Variants in PRKG1 observed in about 807,000 individuals in gnomAD.
PRKG1 encodes cGMP-dependent protein kinase 1.
PRKG1 carries 35 observed loss-of-function variants against 88.1 expected under a neutral mutation model. That is an observed-to-expected ratio of 0.40 (90% CI 0.30 to 0.53). The LOEUF (loss-of-function observed/expected upper bound fraction) is 0.53, where lower values mean the gene tolerates loss of function less well. Ranked by LOEUF, PRKG1 falls within the 20% of genes least tolerant of loss-of-function variation. The pLI is 0.59. For synonymous variants in PRKG1, 303 were observed against 292.5 expected, an observed-to-expected ratio of 1.04 and a Z score of -0.37; for missense variants, 540 against 839.8, an observed-to-expected ratio of 0.64 and a Z score of 4.41.
chr10:51,467,664 G>A (rs549323274), intron 2 of PRKG1, 59 bp from the exon 3 acceptor site: 7 of 1,388,592 alleles, frequency 5.0e-6, no homozygotes, highest in Non-Finnish European at 7.1e-6. Context: ...CATTAAAAAT[G>A]CAACAAATGA....
At chr10:51,085,319 C>G (rs947469748) in intron 1 of PRKG1, among the ~76,000 whole-genome samples, 1 of 152,182 alleles carries the variant, frequency 6.6e-6, no homozygotes, top group African/African-American at 2.4e-5. Context: ...GCTGGTTTGA[C>G]AGAGTGTCAC....
intron 2 of PRKG1, among the ~76,000 whole-genome samples, chr10:51,186,994 AT>A (rs1837510274): frequency 6.9e-6 from 1 of 145,446 alleles, no homozygotes; most frequent in African/African-American, 2.5e-5. Context: ...GTATATATAT[AT>A]TCTCTTTATT....
intron 5 of PRKG1, among the ~76,000 whole-genome samples, chr10:52,033,763 A>G (rs7904116): frequency 0.69 from 105,409 of 151,976 alleles, 37,221 homozygotes; most frequent in Middle Eastern, 0.77. Flanking sequence ...AATTTCATGC[A>G]CGTCCGTGTG....
upstream of PRKG1, among the ~76,000 whole-genome samples, chr10:51,072,056 G>A (rs549484650): frequency 3.9e-5 from 6 of 152,158 alleles, no homozygotes; most frequent in Admixed American, 2.6e-4. Flanking sequence ...ACTAGCCGGC[G>A]TGGTGGCGGG....
intron 5 of PRKG1, chr10:51,908,266 A>G (rs937060432): frequency 6.6e-6 from 1 of 152,212 alleles, no homozygotes; most frequent in Admixed American, 6.6e-5. Context: ...ATAGAGATAC[A>G]TTGGTGGTGT....
intron 5 of PRKG1, among the ~76,000 whole-genome samples, chr10:51,924,913 C>A (rs1262108231): frequency 2.4e-4 from 36 of 149,732 alleles, no homozygotes; most frequent in Non-Finnish European, 2.2e-4. Context: ...GTTTTCATTT[C>A]TCTGCTTATA....
chr10:51,979,410 G>GTTTTTTTTTTTTTTTTTTT lies in PRKG1; in HGVS notation c.762+71846_762+71864dup, dbSNP rs61150252. Among the ~76,000 whole-genome samples, 133 of 47,062 alleles carry GTTTTTTTTTTTTTTTTTTT rather than the reference G, an allele frequency of 2.8e-3. 24 individuals carry two copies. Among genetic ancestry groups the GTTTTTTTTTTTTTTTTTTT allele is most frequent in the Non-Finnish European group, 3.3e-3 (94 of 28,062 alleles). The allele number at this position is 47,062 out of a possible 152,430, so 30.9% of individuals were successfully genotyped here. A position where few individuals can be genotyped will look rare whatever the true frequency, so the allele number is the denominator to read the frequency against. ...CAATATTCATCATGGATATTGGTCT[G>GTTTTTTTTTTTTTTTTTTT]TTTTTTTTTTTTTTTTTTTTTTTTC... On this transcript the variant is annotated intron_variant, in intron 5 of 17. Coordinates refer to ENST00000373980, the MANE Select transcript of PRKG1 (RefSeq NM_006258.4).
chr10:52,172,032 G>C (rs1469734797), intron 9 of PRKG1, among the ~76,000 whole-genome samples: 4 of 151,406 alleles, frequency 2.6e-5, no homozygotes, highest in African/African-American at 9.7e-5. Context: ...TCGATCTCCT[G>C]ACCTCATGAT....
At chr10:51,269,528 T>C (rs1368836846) in intron 2 of PRKG1, among the ~76,000 whole-genome samples, 4 of 152,182 alleles carry the variant, frequency 2.6e-5, no homozygotes, top group African/African-American at 9.7e-5. Context: ...GGAATACTAC[T>C]CAGCCATAAA....
At chr10:51,252,897 A>T (rs1763210795) in intron 2 of PRKG1, among the ~76,000 whole-genome samples, 2 of 151,876 alleles carry the variant, frequency 1.3e-5, no homozygotes, top group African/African-American at 4.8e-5. Flanking sequence ...ATCAGAAGCA[A>T]GAAAAAACAG....
chr10:52,100,189 G>C (rs1299076345), intron 7 of PRKG1, among the ~76,000 whole-genome samples: 1 of 152,148 alleles, frequency 6.6e-6, no homozygotes, highest in Admixed American at 6.5e-5. Flanking sequence ...AAAGAGACTG[G>C]ACAGGAATCC....
chr10:51,192,736 A>G (rs1837662087), intron 2 of PRKG1, among the ~76,000 whole-genome samples: 1 of 152,000 alleles, frequency 6.6e-6, no homozygotes, highest in Admixed American at 6.6e-5. Flanking sequence ...TATGATAAAG[A>G]GAAGTAAAAA....
chr10:51,012,603 A>G (rs1261185606), intron 1 of PRKG1, among the ~76,000 whole-genome samples: 3 of 152,180 alleles, frequency 2.0e-5, no homozygotes, highest in Non-Finnish European at 4.4e-5. Context: ...AAGACCATTC[A>G]CTCATTTATT....
intron 9 of PRKG1, among the ~76,000 whole-genome samples, chr10:52,245,344 A>C (rs1470749850): frequency 6.6e-6 from 1 of 152,122 alleles, no homozygotes; most frequent in Non-Finnish European, 1.5e-5. Flanking sequence ...TGATTTTTCC[A>C]CTAAATTTAT....
At chr10:51,287,017 A>G (rs1840458445) in intron 2 of PRKG1, among the ~76,000 whole-genome samples, 1 of 152,168 alleles carries the variant, frequency 6.6e-6, no homozygotes. Flanking sequence ...AGCTGTGTCT[A>G]CAGGCATATG....
chr10:51,618,343 T>C (rs923084260), intron 3 of PRKG1, among the ~76,000 whole-genome samples: 8 of 152,112 alleles, frequency 5.3e-5, no homozygotes, highest in African/African-American at 1.9e-4. Flanking sequence ...CCCTACCCAA[T>C]CAAGTGCTTC....
intron 2 of PRKG1, among the ~76,000 whole-genome samples, chr10:51,211,204 A>G (rs1838208806): frequency 6.6e-6 from 1 of 152,146 alleles, no homozygotes; most frequent in Non-Finnish European, 1.5e-5. Flanking sequence ...AACAGAACCA[A>G]CGACAAAAAC....
intron 3 of PRKG1, among the ~76,000 whole-genome samples, chr10:51,608,630 T>C (rs1365508892): frequency 6.6e-6 from 1 of 152,230 alleles, no homozygotes; most frequent in Non-Finnish European, 1.5e-5. Context: ...GGGATGCAGA[T>C]GGTCAGTATC....
At chr10:51,070,822 A>C (rs2132796748), upstream of PRKG1, among the ~76,000 whole-genome samples, 1 of 152,322 alleles carries the variant, frequency 6.6e-6, no homozygotes, top group South Asian at 2.1e-4. Context: ...CTACCAGTAG[A>C]ACTTTGCTTC....
Sources: gnomAD v4.1 joint callset for allele counts (sites outside exome capture counted in the v4.1 genomes callset) on GRCh38, gnomAD v4.1.1 for gene constraint, MANE v1.5 for transcripts, NCBI Gene and HGNC (gene_info 2026-07-23, HGNC 2026-07-21) for gene names.